Variants in SV2C observed in about 807,000 individuals in gnomAD.
The protein encoded by SV2C is synaptic vesicle glycoprotein 2C.
In SV2C, 49 loss-of-function variants were observed where a neutral mutation model predicts 79.7. The observed-to-expected ratio is 0.61, with a 90% CI of 0.49 to 0.78. SV2C has a LOEUF of 0.78. SV2C is among the 30% of genes least tolerant of loss of function. SV2C has a pLI of 0.00. For synonymous variants in SV2C, 334 were observed against 333.2 expected (o/e 1.00, Z -0.03); for missense variants, 833 against 912.9 (o/e 0.91, Z 1.13).
intron 9 of SV2C, among the ~76,000 whole-genome samples, chr5:76,297,881 G>A (rs547412697): frequency 2.0e-5 from 3 of 152,160 alleles, no homozygotes; most frequent in Non-Finnish European, 4.4e-5. Context: ...ACTCCTTCCC[G>A]AGGAGAACAA....
At chr5:76,310,403 G>A (rs942986592) in intron 12 of SV2C, among the ~76,000 whole-genome samples, 2 of 152,214 alleles carry the variant, frequency 1.3e-5, no homozygotes, top group African/African-American at 4.8e-5. Context: ...GCAACAGCAG[G>A]TGCAAAGGTC....
At chr5:76,212,384 T>C (rs548096218) in intron 4 of SV2C, among the ~76,000 whole-genome samples, 1 of 152,178 alleles carries the variant, frequency 6.6e-6, no homozygotes, top group African/African-American at 2.4e-5. Flanking sequence ...CCACTTATCA[T>C]CTCTGCCAAC....
chr5:76,291,939 T>C, intron 8 of SV2C, 83 bp downstream of exon 8: 1 of 1,007,080 alleles, frequency 9.9e-7, no homozygotes. Context: ...TCTTTTCTGA[T>C]ACTGCTTGAT....
At chr5:76,199,289 C>T (rs1744360688) in intron 3 of SV2C, among the ~76,000 whole-genome samples, 2 of 152,120 alleles carry the variant, frequency 1.3e-5, no homozygotes, top group African/African-American at 4.8e-5. Context: ...TTGAGAAAAA[C>T]TACGTGAAAT....
the SV2C span, among the ~76,000 whole-genome samples, chr5:76,031,844 G>GT: frequency 6.6e-6 from 1 of 152,316 alleles, no homozygotes; most frequent in Admixed American, 6.5e-5. Flanking sequence ...TGATTTAAGA[G>GT]TTTAGCAACT....
the SV2C span, chr5:75,911,219 C>A: frequency 3.2e-6 from 5 of 1,579,530 alleles, no homozygotes; most frequent in Admixed American, 8.4e-5. Context: ...GCCCAGCCCT[C>A]TCCTACCATT....
chr5:75,871,500 A>G, the SV2C span, among the ~76,000 whole-genome samples: 1 of 152,168 alleles, frequency 6.6e-6, no homozygotes, highest in Non-Finnish European at 1.5e-5. Flanking sequence ...AAAACTATGT[A>G]AGTTTGCCAG....
chr5:76,101,970 T>C (rs954319970), intron 1 of SV2C, among the ~76,000 whole-genome samples: 1 of 152,164 alleles, frequency 6.6e-6, no homozygotes, highest in African/African-American at 2.4e-5. Context: ...ATTTAGTTTT[T>C]ATCACACCCT....
At chr5:75,850,394 T>C in the SV2C span, among the ~76,000 whole-genome samples, 2 of 152,338 alleles carry the variant, frequency 1.3e-5, no homozygotes, top group East Asian at 3.9e-4. Flanking sequence ...AATCACAAAA[T>C]ACTTATGTTT....
chr5:75,873,035 C>T, the SV2C span, among the ~76,000 whole-genome samples: 1 of 151,796 alleles, frequency 6.6e-6, no homozygotes, highest in Non-Finnish European at 1.5e-5. Flanking sequence ...AAGCCAGAAA[C>T]CAAAGGAGAG....
the SV2C span, among the ~76,000 whole-genome samples, chr5:76,054,851 T>A: frequency 1.3e-5 from 2 of 152,180 alleles, no homozygotes; most frequent in African/African-American, 4.8e-5. Context: ...GTTTGTTTGT[T>A]TTTTTCTTGT....
At chr5:76,066,648 G>A in the SV2C span, among the ~76,000 whole-genome samples, 1 of 152,020 alleles carries the variant, frequency 6.6e-6, no homozygotes, top group Non-Finnish European at 1.5e-5. Context: ...ATTCTGTGTT[G>A]TTTCATCTTC....
At chr5:76,245,934 G>A (rs6875737) in intron 4 of SV2C, among the ~76,000 whole-genome samples, 7,341 of 136,972 alleles carry the variant, frequency 0.054, 412 homozygotes, top group East Asian at 0.3. Context: ...GTGTGTGTGT[G>A]TATGTGTGTG....
At chr5:75,968,194 AAGCCAC>A in the SV2C span, among the ~76,000 whole-genome samples, 9 of 152,188 alleles carry the variant, frequency 5.9e-5, no homozygotes, top group Non-Finnish European at 1.2e-4. Flanking sequence ...TCAAAGACCA[AAGCCAC>A]AAAGGTAAAA....
the SV2C span, among the ~76,000 whole-genome samples, chr5:76,064,521 G>C: frequency 6.6e-6 from 1 of 152,174 alleles, no homozygotes; most frequent in Non-Finnish European, 1.5e-5. Flanking sequence ...CACATCACTT[G>C]CTCCGTCATC....
chr5:76,033,955 G>A, the SV2C span, among the ~76,000 whole-genome samples: 4 of 152,022 alleles, frequency 2.6e-5, no homozygotes, highest in African/African-American at 9.7e-5. Flanking sequence ...CCTTGAAGAG[G>A]TCCTTCCCAT....
chr5:75,963,778 C>G, the SV2C span, among the ~76,000 whole-genome samples: 1 of 152,070 alleles, frequency 6.6e-6, no homozygotes, highest in South Asian at 2.1e-4. Flanking sequence ...TTCTCTCTTC[C>G]TGGAATGCCT....
chr5:75,886,558 T>G, the SV2C span, among the ~76,000 whole-genome samples: 3 of 152,314 alleles, frequency 2.0e-5, no homozygotes, highest in East Asian at 5.8e-4. Flanking sequence ...GTCTCCCTTT[T>G]GCTTGCTAAG....
the SV2C span, among the ~76,000 whole-genome samples, chr5:75,996,012 G>A: frequency 3.9e-5 from 6 of 152,150 alleles, no homozygotes. Context: ...GAGGAGTCAG[G>A]CAGATCCTGC....
Sources: gnomAD v4.1 joint callset for allele counts (sites outside exome capture counted in the v4.1 genomes callset) on GRCh38, gnomAD v4.1.1 for gene constraint, MANE v1.5 for transcripts, NCBI Gene and HGNC (gene_info 2026-07-23, HGNC 2026-07-21) for gene names.